TTC28: variants seen among roughly 807,000 people sequenced by gnomAD.
TTC28 encodes the protein tetratricopeptide repeat domain 28, also known as tetratricopeptide repeat protein 28.
In TTC28, 61 loss-of-function variants were observed where a neutral mutation model predicts 198.0. The ratio of observed to expected loss-of-function variants is 0.31; its 90% confidence interval spans 0.25 to 0.38. TTC28 has a LOEUF of 0.38. TTC28 is among the 10% of genes least tolerant of loss of function. The pLI is 1.00. For missense variants in TTC28, 2,678 were observed against 3,164.0 expected (o/e 0.85, Z 3.69); for synonymous variants, 1,171 against 1,297.8 (o/e 0.90, Z 2.10).
At chr22:28,237,208 G>A (rs948623565) in intron 5 of TTC28, among the ~76,000 whole-genome samples, 1 of 151,664 alleles carries the variant, frequency 6.6e-6, no homozygotes, top group Non-Finnish European at 1.5e-5. Flanking sequence ...CTTTCTCAAT[G>A]GTTGCTCTCC....
chr22:28,227,394 C>G (rs777605196), intron 5 of TTC28, among the ~76,000 whole-genome samples: 4 of 152,122 alleles, frequency 2.6e-5, no homozygotes, highest in Non-Finnish European at 4.4e-5. Flanking sequence ...ATCAGCTGAA[C>G]TTTATCAAAA....
At chr22:28,675,778 G>A (rs1235493074) in intron 1 of TTC28, among the ~76,000 whole-genome samples, 1 of 123,238 alleles carries the variant, frequency 8.1e-6, no homozygotes, top group Non-Finnish European at 1.8e-5. Flanking sequence ...CACACACAAT[G>A]TAAAAAGAGG....
chr22:28,322,112 G>A (rs1265571679), intron 2 of TTC28, among the ~76,000 whole-genome samples: 1 of 152,150 alleles, frequency 6.6e-6, no homozygotes, highest in African/African-American at 2.4e-5. Context: ...TTACAGGCAT[G>A]AGCCACCGTG....
chr22:28,110,364 T>A (rs1013463386), intron 6 of TTC28, among the ~76,000 whole-genome samples: 11 of 152,098 alleles, frequency 7.2e-5, no homozygotes, highest in African/African-American at 2.7e-4. Flanking sequence ...ATCTATAAAA[T>A]GAGAAAAATA....
At chr22:28,067,384 T>A (rs12168251) in intron 12 of TTC28, among the ~76,000 whole-genome samples, 10,160 of 152,248 alleles carry the variant, frequency 0.067, 393 homozygotes, top group South Asian at 0.089. Context: ...GAATGAATAT[T>A]TCAATAATTA....
chr22:28,353,878 A>G (rs1351256044), intron 2 of TTC28, among the ~76,000 whole-genome samples: 2 of 152,236 alleles, frequency 1.3e-5, no homozygotes, highest in African/African-American at 2.4e-5. Context: ...GGACTTGAAG[A>G]GACATTTCTC....
chr22:28,136,715 A>G lies in TTC28; in HGVS notation c.1441+26377T>C, dbSNP rs548539829. Reference sequence around the variant, plus strand: ...GTCACAAAGAGTGCTCCAGTCTCAAAGGTTTACATGTTTAATTCTTGTTCA... The same window carrying G: ...GTCACAAAGAGTGCTCCAGTCTCAAGGGTTTACATGTTTAATTCTTGTTCA... On this transcript the variant is annotated intron_variant, in intron 6 of 22. Coordinates refer to ENST00000397906, the MANE Select transcript of TTC28 (RefSeq NM_001145418.2). 3.3e-5 allele frequency among the ~76,000 whole-genome samples: 5 copies of G among 152,268 alleles called. 1 individual carries two copies. Among genetic ancestry groups the G allele is most frequent in the African/African-American group, 1.2e-4 (5 of 41,558 alleles).
chr22:28,237,098 T>C (rs1929303677), intron 5 of TTC28, among the ~76,000 whole-genome samples: 1 of 152,172 alleles, frequency 6.6e-6, no homozygotes, highest in African/African-American at 2.4e-5. Context: ...GATCTAATTT[T>C]ATCTCCTCTA....
intron 2 of TTC28, among the ~76,000 whole-genome samples, chr22:28,337,367 A>G (rs1210381528): frequency 6.6e-6 from 1 of 152,174 alleles, no homozygotes; most frequent in Non-Finnish European, 1.5e-5. Context: ...CGCTTGGTGT[A>G]GAGCTGAGTT....
Position 28,517,327 on chromosome 22 carries a change from AT to A in TTC28, c.381+112224del, listed in dbSNP as rs565661743. 1.4e-3 allele frequency among the ~76,000 whole-genome samples: 212 copies of A among 152,314 alleles called. 2 individuals carry two copies. Among genetic ancestry groups the A allele is most frequent in the Non-Finnish European group, 1.7e-3 (117 of 68,030 alleles). The stretch of plus-strand genomic sequence containing the variant: ...TAAAGATAAAACTGTCTTTCCAAAG[AT>A]AAAAATTAGTAAGTCCTAAATACTA... On this transcript the variant is annotated intron_variant, in intron 2 of 22. Transcript: ENST00000397906.
At chr22:28,669,297 T>A (rs2051839177) in intron 1 of TTC28, among the ~76,000 whole-genome samples, 5 of 133,568 alleles carry the variant, frequency 3.7e-5, no homozygotes, top group African/African-American at 5.8e-5. Context: ...AAACTTAGAG[T>A]ATAATAAAAA....
At chr22:28,112,048 T>G (rs1942494605) in intron 6 of TTC28, among the ~76,000 whole-genome samples, 1 of 152,212 alleles carries the variant, frequency 6.6e-6, no homozygotes, top group Non-Finnish European at 1.5e-5. Flanking sequence ...CTCATTCAGC[T>G]GAGTGTCTTT....
chr22:28,002,547 G>T (rs987115734), intron 14 of TTC28: 1 of 152,166 alleles, frequency 6.6e-6, no homozygotes, highest in Non-Finnish European at 1.5e-5. Flanking sequence ...CAGAGCACTA[G>T]GCTAACCCAA....
chr22:28,566,626 C>T (rs1015183612), intron 2 of TTC28, among the ~76,000 whole-genome samples: 11 of 152,062 alleles, frequency 7.2e-5, no homozygotes, highest in Middle Eastern at 6.8e-3. Context: ...AAACATCAAT[C>T]AAGATTTTAA....
At chr22:28,434,346 A>G (rs952544913) in intron 2 of TTC28, among the ~76,000 whole-genome samples, 8 of 152,154 alleles carry the variant, frequency 5.3e-5, no homozygotes, top group Admixed American at 4.6e-4. Context: ...TCTGTTTAAG[A>G]AGGCAGAAAA....
chr22:28,186,210 C>A (rs1924191123), intron 5 of TTC28, among the ~76,000 whole-genome samples: 1 of 152,112 alleles, frequency 6.6e-6, no homozygotes, highest in African/African-American at 2.4e-5. Flanking sequence ...TTTTTTACTG[C>A]CTCCCCCACA....
At chr22:28,349,527 T>A (rs1247547601) in intron 2 of TTC28, among the ~76,000 whole-genome samples, 1 of 152,188 alleles carries the variant, frequency 6.6e-6, no homozygotes, top group African/African-American at 2.4e-5. Flanking sequence ...TCTCTCAGAC[T>A]GAAGTTACAG....
intron 5 of TTC28, among the ~76,000 whole-genome samples, chr22:28,255,318 C>A (rs1396932557): frequency 6.6e-6 from 1 of 152,122 alleles, no homozygotes; most frequent in Non-Finnish European, 1.5e-5. Context: ...GCCTTCTGGG[C>A]ACCTAAGATT....
intron 2 of TTC28, among the ~76,000 whole-genome samples, chr22:28,553,837 G>A (rs914849608): frequency 2.4e-4 from 37 of 152,236 alleles, no homozygotes; most frequent in African/African-American, 8.9e-4. Flanking sequence ...GAAGTGAGGA[G>A]CCCCTCTGCC....
Sources: allele counts gnomAD v4.1 joint callset (sites outside exome capture counted in the v4.1 genomes callset), GRCh38; gene constraint gnomAD v4.1.1; transcripts MANE v1.5; gene names NCBI Gene and HGNC (gene_info 2026-07-23, HGNC 2026-07-21).